Variants in IQSEC1 observed in about 807,000 individuals in gnomAD.
IQSEC1 encodes the protein IQ motif and SEC7 domain-containing protein 1.
A neutral mutation model predicts 91.0 loss-of-function variants in IQSEC1; 31 were observed. The ratio of observed to expected loss-of-function variants is 0.34; its 90% CI spans 0.26 to 0.46. The LOEUF is 0.46. Among genes scored for constraint, IQSEC1 ranks in the 20% least tolerant of loss-of-function variants. IQSEC1 has a pLI of 1.00. For synonymous variants in IQSEC1, 699 were observed against 662.6 expected, an observed-to-expected ratio of 1.05 and a Z score of -0.84; for missense variants, 1,388 against 1,575.6, an observed-to-expected ratio of 0.88 and a Z score of 2.02.
intron 1 of IQSEC1, among the ~76,000 whole-genome samples, chr3:13,272,916 A>G (rs1348975391): frequency 6.6e-6 from 1 of 152,226 alleles, no homozygotes; most frequent in African/African-American, 2.4e-5. Context: ...AAGTGGGTAG[A>G]TAAGAGACAT....
intron 1 of IQSEC1, among the ~76,000 whole-genome samples, chr3:13,036,633 T>C (rs918984351): frequency 1.3e-5 from 2 of 152,052 alleles, no homozygotes; most frequent in Admixed American, 1.3e-4. Flanking sequence ...GCATCAGCGG[T>C]GTGGGGGGTG....
intron 1 of IQSEC1, among the ~76,000 whole-genome samples, chr3:13,216,139 A>G (rs142772185): frequency 6.6e-6 from 1 of 152,338 alleles, no homozygotes; most frequent in African/African-American, 2.4e-5. Context: ...CATTCTAGGA[A>G]TCTATCCAAA....
intron 1 of IQSEC1, among the ~76,000 whole-genome samples, chr3:13,217,415 G>T (rs73134144): frequency 0.073 from 11,137 of 152,240 alleles, 616 homozygotes; most frequent in African/African-American, 0.15. Context: ...CATGACATAG[G>T]GTGCACCAGC....
intron 1 of IQSEC1, among the ~76,000 whole-genome samples, chr3:13,238,491 G>C (rs149637794): frequency 6.6e-6 from 1 of 152,076 alleles, no homozygotes; most frequent in African/African-American, 2.4e-5. Flanking sequence ...CTCTATCCCC[G>C]ACAGAACCTT....
intron 1 of IQSEC1, among the ~76,000 whole-genome samples, chr3:13,185,602 C>G (rs1275312447): frequency 6.6e-6 from 1 of 152,194 alleles, no homozygotes; most frequent in Non-Finnish European, 1.5e-5. Context: ...CTATGGCAGA[C>G]AGCCCATTCC....
chr3:12,902,870 G>C lies in IQSEC1; in HGVS notation c.2756-48C>G, dbSNP rs753216704. 1.4e-4 allele frequency: 197 copies of C among 1,428,798 alleles called. No homozygotes were observed. The Admixed American group carries it at 3.1e-3, about 22-fold the overall frequency. 88.5% of individuals were successfully genotyped at this position (1,428,798 alleles called of 1,614,324 possible). On this transcript the variant is annotated intron_variant, in intron 12 of 13. Coordinates refer to ENST00000613206, the MANE Select transcript of IQSEC1 (RefSeq NM_001134382.3). ...GAAGTTAGACGCGGACATGAGGCTG[G>C]GGGTGCTGCCTGCCTGGTGCCACGC...
At chr3:13,010,851 C>T (rs1702852742) in intron 1 of IQSEC1, among the ~76,000 whole-genome samples, 1 of 152,170 alleles carries the variant, frequency 6.6e-6, no homozygotes, top group Non-Finnish European at 1.5e-5. Flanking sequence ...CCCTCCCAGA[C>T]AGGTATCACC....
chr3:13,160,216 G>A (rs538150244), intron 2 of IQSEC1, among the ~76,000 whole-genome samples: 134 of 152,264 alleles, frequency 8.8e-4, no homozygotes, highest in African/African-American at 3.2e-3. Flanking sequence ...CCAGAAAGGT[G>A]GCAACTCCGA....
intron 2 of IQSEC1, among the ~76,000 whole-genome samples, chr3:13,105,065 T>C (rs914442428): frequency 2.0e-5 from 3 of 152,184 alleles, no homozygotes; most frequent in Non-Finnish European, 4.4e-5. Context: ...AGGGGCAGTC[T>C]GTCGGCTGCT....
Position 12,967,396 on chromosome 3 carries a change from A to G in IQSEC1, c.24-25531T>C. 6.5e-7 allele frequency: 1 copy of G among 1,535,378 alleles called. No homozygotes were observed. Among genetic ancestry groups the G allele is most frequent in the Non-Finnish European group, 8.7e-7 (1 of 1,144,638 alleles). On this transcript the variant is annotated intron_variant, in intron 1 of 13. Transcript: ENST00000613206. The surrounding 1 kb of genome is among the most constrained non-coding windows in gnomAD (Gnocchi z 5.9). ...CGCGCCGCGCCCTCACCCGCTGTCAAGCTCTAGCTCCAGAAGGGACTGGGT... is the reference window on the plus strand; with the variant it reads ...CGCGCCGCGCCCTCACCCGCTGTCAGGCTCTAGCTCCAGAAGGGACTGGGT...
rs1576271216 is a variant in IQSEC1, at chr3:13,146,703, G to C, written c.302+17401C>G. 3.9e-5 allele frequency among the ~76,000 whole-genome samples: 6 copies of C among 152,350 alleles called. No homozygotes were observed. In the East Asian group the frequency reaches 1.2e-3, roughly 29 times the overall value. ...AAAAATACAAAAATTAGCCAGGCGT[G>C]ATGGGGGACGCCTGTAATCTCAGCT... On this transcript the variant is annotated intron_variant, in intron 2 of 15. Coordinates refer to the IQSEC1 transcript ENST00000648114.
intron 2 of IQSEC1, among the ~76,000 whole-genome samples, chr3:13,110,211 C>G (rs1393937063): frequency 6.6e-6 from 1 of 151,800 alleles, no homozygotes; most frequent in Non-Finnish European, 1.5e-5. Context: ...TTATGAAGTG[C>G]TTAGAATGGT....
chr3:13,261,422 C>A (rs1201212283), intron 1 of IQSEC1, among the ~76,000 whole-genome samples: 3 of 152,194 alleles, frequency 2.0e-5, no homozygotes, highest in Non-Finnish European at 4.4e-5. Context: ...CTCGATGCCC[C>A]CTCTACCCAT....
At chr3:13,258,834 C>T (rs1352150835) in intron 1 of IQSEC1, among the ~76,000 whole-genome samples, 1 of 152,218 alleles carries the variant, frequency 6.6e-6, no homozygotes, top group Non-Finnish European at 1.5e-5. Context: ...CCCCACCCCA[C>T]AGGGGCTGGC....
chr3:12,901,597 A>C (rs1392539457), intron 13 of IQSEC1, 75 bp from the exon 14 acceptor site: 1 of 1,273,700 alleles, frequency 7.9e-7, no homozygotes, highest in Non-Finnish European at 1.1e-6. Context: ...TTTTTTTTCA[A>C]ATGTAAAAAT....
intron 1 of IQSEC1, among the ~76,000 whole-genome samples, chr3:13,276,370 G>T (rs1427991342): frequency 6.6e-6 from 1 of 152,190 alleles, no homozygotes; most frequent in African/African-American, 2.4e-5. Context: ...TTATAGGTGT[G>T]AGCCACTGCA....
chr3:13,150,293 TA>T (rs1706972318), intron 2 of IQSEC1, among the ~76,000 whole-genome samples: 1 of 152,234 alleles, frequency 6.6e-6, no homozygotes, highest in Non-Finnish European at 1.5e-5. Flanking sequence ...TGGGAAGTCC[TA>T]AATCTGTCTC....
At chr3:12,932,658 C>CATGTTTG (rs1340430694) in intron 3 of IQSEC1, among the ~76,000 whole-genome samples, 1 of 152,234 alleles carries the variant, frequency 6.6e-6, no homozygotes, top group African/African-American at 2.4e-5. Context: ...ACCACAACAG[C>CATGTTTG]TGCCATCCAC....
chr3:12,900,225 C>G lies in IQSEC1; in HGVS notation c.*758G>C. On this transcript the variant is annotated 3_prime_UTR_variant, in exon 14 of 14. Coordinates refer to ENST00000613206, the MANE Select transcript of IQSEC1 (RefSeq NM_001134382.3). ...CAGTTAGATGCTATGTTACTTGGCA[C>G]AGTTAGTAATGATTGTGTAAAGATT... The G allele has an allele frequency of 1.3e-5, 13 of 983,374 alleles. No individual in the cohort carries two copies. Among genetic ancestry groups the G allele is most frequent in the Non-Finnish European group, 1.6e-5 (13 of 828,136 alleles). The allele number at this position is 983,374 out of a possible 1,614,324, so 60.9% of individuals were successfully genotyped here.
Sources: allele counts gnomAD v4.1 joint callset (sites outside exome capture counted in the v4.1 genomes callset), GRCh38; gene constraint gnomAD v4.1.1; non-coding constraint Gnocchi (gnomAD v3.1); transcripts MANE v1.5; gene names NCBI Gene and HGNC (gene_info 2026-07-23, HGNC 2026-07-21).